The following ARID1B variants were observed in gnomAD, a reference collection of about 807,000 sequenced individuals.
The protein encoded by ARID1B is AT-rich interaction domain 1B.
ARID1B carries 30 observed loss-of-function variants against 212.3 expected under a neutral mutation model. That is an observed-to-expected ratio of 0.14 (90% CI 0.11 to 0.19). ARID1B has a LOEUF of 0.19. Among genes scored for constraint, ARID1B ranks in the 10% least tolerant of loss-of-function variants. The pLI is 1.00. For synonymous variants in ARID1B, 1,402 were observed against 1,301.7 expected, an observed-to-expected ratio of 1.08 and a Z score of -1.66; for missense variants, 2,891 against 3,204.0, an observed-to-expected ratio of 0.90 and a Z score of 2.36.
chr6:157,001,107 AT>A (rs1778887603), intron 4 of ARID1B, among the ~76,000 whole-genome samples: 1 of 152,206 alleles, frequency 6.6e-6, no homozygotes, highest in South Asian at 2.1e-4. Context: ...TTCCTTCAGA[AT>A]TTGAAACACA....
intron 4 of ARID1B, among the ~76,000 whole-genome samples, chr6:157,046,636 C>G (rs1348588061): frequency 1.3e-5 from 2 of 152,160 alleles, no homozygotes; most frequent in Admixed American, 1.3e-4. Flanking sequence ...GTTTCCTAGA[C>G]TAAGATATTC....
chr6:157,090,253 G>A (rs1785197192), intron 5 of ARID1B, among the ~76,000 whole-genome samples: 1 of 152,196 alleles, frequency 6.6e-6, no homozygotes, highest in Non-Finnish European at 1.5e-5. Flanking sequence ...CTCACCGTGG[G>A]GGTGAGGAAT....
chr6:156,841,779 A>G (rs1038634225), intron 2 of ARID1B, among the ~76,000 whole-genome samples: 1 of 152,176 alleles, frequency 6.6e-6, no homozygotes, highest in South Asian at 2.1e-4. Flanking sequence ...GCATTGTTAT[A>G]TAGTCATCCT....
intron 7 of ARID1B, among the ~76,000 whole-genome samples, chr6:157,142,442 A>G (rs1043417481): frequency 1.3e-5 from 2 of 152,158 alleles, no homozygotes; most frequent in African/African-American, 4.8e-5. Flanking sequence ...CCCGGGCAAC[A>G]TGACAAAACC....
chr6:156,970,361 G>A (rs538316767), intron 4 of ARID1B, among the ~76,000 whole-genome samples: 1 of 152,194 alleles, frequency 6.6e-6, no homozygotes, highest in East Asian at 1.9e-4. Context: ...GGGATTACAG[G>A]CATGAGCCAC....
rs1162696114 is a variant in ARID1B, at chr6:157,203,579, C to T, written c.5264-287C>T. 5.5e-6 allele frequency: 2 copies of T among 361,922 alleles called. No individual in the cohort carries two copies. The highest frequency in any genetic ancestry group is 1.0e-5 in the Non-Finnish European group (2 of 193,232). 22.4% of individuals were successfully genotyped at this position (361,922 alleles called of 1,614,324 possible). ...CTGTAGGGTGGCTGAAAGAAATAAC[C>T]CGGCCATGAGAAAGGACCATCTGTG... On this transcript the variant is annotated intron_variant, in intron 18 of 19. Transcript: ENST00000636930. The surrounding 1 kb of genome is among the most constrained non-coding windows in gnomAD (Gnocchi z 4.4).
At chr6:157,164,224 G>A (rs979758814) in intron 8 of ARID1B, among the ~76,000 whole-genome samples, 2 of 152,208 alleles carry the variant, frequency 1.3e-5, no homozygotes, top group Admixed American at 1.3e-4. Context: ...TAAAACTACA[G>A]ATGTGCTTTA....
chr6:157,034,945 A>G (rs1170918575), intron 4 of ARID1B, among the ~76,000 whole-genome samples: 1 of 152,192 alleles, frequency 6.6e-6, no homozygotes, highest in Non-Finnish European at 1.5e-5. Context: ...TTTCAAAACA[A>G]TTCCCCCAGC....
At chr6:157,134,567 G>C (rs1788786034) in intron 7 of ARID1B, among the ~76,000 whole-genome samples, 1 of 152,210 alleles carries the variant, frequency 6.6e-6, no homozygotes, top group East Asian at 1.9e-4. Flanking sequence ...AGTAATTCCA[G>C]TAAGCGTTAG....
chr6:157,138,313 G>A (rs951224950), intron 7 of ARID1B, among the ~76,000 whole-genome samples: 3 of 152,136 alleles, frequency 2.0e-5, no homozygotes, highest in Non-Finnish European at 4.4e-5. Context: ...TTGACTCACT[G>A]CAACCTCGAG....
chr6:157,115,748 A>C (rs979841311), intron 6 of ARID1B, among the ~76,000 whole-genome samples: 1 of 152,074 alleles, frequency 6.6e-6, no homozygotes, highest in Non-Finnish European at 1.5e-5. Flanking sequence ...TAACTAAATA[A>C]AGAAAATTAG....
chr6:157,090,560 C>G (rs1785213102), intron 5 of ARID1B, among the ~76,000 whole-genome samples: 1 of 152,218 alleles, frequency 6.6e-6, no homozygotes, highest in East Asian at 1.9e-4. Flanking sequence ...GGCTATTGTT[C>G]TTCTTGCTTG....
chr6:156,792,322 G>T (rs762970466), intron 1 of ARID1B, among the ~76,000 whole-genome samples: 1 of 152,086 alleles, frequency 6.6e-6, no homozygotes, highest in Admixed American at 6.5e-5. Flanking sequence ...ACCATGCAAG[G>T]CCGGACCCAG....
intron 1 of ARID1B, among the ~76,000 whole-genome samples, chr6:156,785,881 A>G (rs917850828): frequency 1.3e-5 from 2 of 152,116 alleles, no homozygotes; most frequent in East Asian, 1.9e-4. Context: ...CTTCCTCTCA[A>G]TTCTAACTTT....
intron 9 of ARID1B, chr6:157,173,567 A>T (rs142510425): frequency 6.5e-6 from 1 of 152,822 alleles, no homozygotes; most frequent in Non-Finnish European, 1.5e-5. Flanking sequence ...ATAATTTTGC[A>T]AACTATAGAT....
chr6:157,207,316 C>A lies in ARID1B; in HGVS notation c.6544C>A (p.Pro2182Thr). ...TGGCTTGCTGCACTGGATGGTGTGC[C>A]CGTCTGCAGAGGCACAAGATCCCTT... is the stretch of plus-strand genomic sequence containing the variant. ...LDGLLHWMVC[P>T]SAEAQDPFPT... The change falls in exon 20 of 20, where the codon CCG becomes ACG. Residue 2182 changes from proline (P) to threonine (T), a missense_variant. Physicochemically the swap from Pro to Thr is conservative, Grantham distance 38 (BLOSUM62 -1). Coordinates refer to ENST00000636930, the MANE Select transcript of ARID1B (RefSeq NM_001374828.1). The surrounding 1 kb of genome is among the most constrained non-coding windows in gnomAD (Gnocchi z 8.5). The A allele has an allele frequency of 1.9e-6, 3 of 1,613,930 alleles. No homozygotes were observed. The highest frequency in any genetic ancestry group is 2.5e-6 in the Non-Finnish European group (3 of 1,179,866).
chr6:156,883,297 C>A (rs9384507), intron 2 of ARID1B, among the ~76,000 whole-genome samples: 17,251 of 152,132 alleles, frequency 0.11, 1,175 homozygotes, highest in East Asian at 0.3. Context: ...GCCTAATATT[C>A]ATATAAACCT....
intron 4 of ARID1B, among the ~76,000 whole-genome samples, chr6:156,991,292 G>A (rs1189310706): frequency 6.6e-6 from 1 of 152,294 alleles, no homozygotes; most frequent in East Asian, 1.9e-4. Flanking sequence ...GTGCAATGGT[G>A]CGATCTCGGC....
chr6:156,937,793 G>A (rs948239874), intron 4 of ARID1B: 5 of 152,008 alleles, frequency 3.3e-5, no homozygotes, highest in African/African-American at 1.2e-4. Flanking sequence ...ATGTATAACA[G>A]CTATCTTCCT....
Sources: gnomAD v4.1 joint callset for allele counts (sites outside exome capture counted in the v4.1 genomes callset) on GRCh38, gnomAD v4.1.1 for gene constraint, Gnocchi (gnomAD v3.1) non-coding constraint, MANE v1.5 for transcripts, NCBI Gene and HGNC (gene_info 2026-07-23, HGNC 2026-07-21) for gene names.